Variants in PSME4 observed in about 807,000 individuals in gnomAD.
PSME4 encodes proteasome activator complex subunit 4.
PSME4 carries 89 observed loss-of-function variants against 253.9 expected under a neutral mutation model. The observed-to-expected ratio is 0.35, with a 90% CI of 0.30 to 0.42. PSME4 has a LOEUF of 0.42. Among genes scored for constraint, PSME4 ranks in the 10% least tolerant of loss-of-function variants. The pLI is 1.00. For synonymous variants in PSME4, 851 were observed against 759.2 expected, an observed-to-expected ratio of 1.12 and a Z score of -1.99; for missense variants, 2,014 against 2,195.2, an observed-to-expected ratio of 0.92 and a Z score of 1.65.
At chr2:53,918,932 A>T (rs1287220601) in intron 20 of PSME4, among the ~76,000 whole-genome samples, 1 of 152,210 alleles carries the variant, frequency 6.6e-6, no homozygotes, top group Admixed American at 6.5e-5. Flanking sequence ...TAAAATTAAT[A>T]CCTAAAGTTA....
chr2:53,874,171 G>T (rs1679018397), intron 43 of PSME4, among the ~76,000 whole-genome samples, 168 bp downstream of exon 43: 1 of 152,150 alleles, frequency 6.6e-6, no homozygotes, highest in Non-Finnish European at 1.5e-5. Context: ...CGTTGTCCAG[G>T]CTGGTCTCAA....
At chr2:53,890,265 A>C in intron 36 of PSME4, 57 bp from the exon 37 acceptor site, 1 of 1,195,572 alleles carries the variant, frequency 8.4e-7, no homozygotes, top group East Asian at 2.3e-5. Context: ...ATTTTTCTTC[A>C]AATATCTTTC....
intron 42 of PSME4, 70 bp from the exon 43 acceptor site, chr2:53,874,564 T>A: frequency 7.3e-7 from 1 of 1,371,154 alleles, no homozygotes; most frequent in Non-Finnish European, 1.0e-6. Flanking sequence ...GATAGTGACA[T>A]TACACACAAA....
At chr2:53,909,421 A>G (rs1667722762) in intron 21 of PSME4, among the ~76,000 whole-genome samples, 1 of 152,210 alleles carries the variant, frequency 6.6e-6, no homozygotes, top group African/African-American at 2.4e-5. Flanking sequence ...TAGGGTTACA[A>G]TATTCGTATT....
In PSME4 at chr2:53,970,886, G is replaced by T; in HGVS notation, c.-102C>A. 9.3e-7 allele frequency: 1 copy of T among 1,074,918 alleles called. No homozygotes were observed. The highest frequency in any genetic ancestry group is 1.3e-6 in the Non-Finnish European group (1 of 793,014). The allele number at this position is 1,074,918 out of a possible 1,614,324, so 66.6% of individuals were successfully genotyped here. A position where few individuals can be genotyped will look rare whatever the true frequency, so the allele number is the denominator to read the frequency against. On this transcript the variant is annotated 5_prime_UTR_variant, in exon 1 of 47. Coordinates refer to ENST00000404125, the MANE Select transcript of PSME4 (RefSeq NM_014614.3). Reference sequence around the variant, plus strand: ...TCCGCGTCTTCGTCGCCCTGCGGCCGCTGGCGGCCCGTCGCCCTCGGACCG... The same window carrying T: ...TCCGCGTCTTCGTCGCCCTGCGGCCTCTGGCGGCCCGTCGCCCTCGGACCG...
chr2:53,961,841 A>T (rs1235376378), intron 1 of PSME4, among the ~76,000 whole-genome samples: 1 of 152,206 alleles, frequency 6.6e-6, no homozygotes, highest in East Asian at 1.9e-4. Context: ...CCAACAAAGG[A>T]GACAGGGTCA....
chr2:53,893,295 C>T (rs1282121955), intron 35 of PSME4, among the ~76,000 whole-genome samples: 1 of 152,024 alleles, frequency 6.6e-6, no homozygotes, highest in Non-Finnish European at 1.5e-5. Context: ...ACAGTCATCC[C>T]TAGGTGTATG....
chr2:53,947,604 G>T (rs1215305826), intron 3 of PSME4, among the ~76,000 whole-genome samples: 1 of 152,198 alleles, frequency 6.6e-6, no homozygotes, highest in Non-Finnish European at 1.5e-5. Flanking sequence ...TACTCGGGAG[G>T]CTGAGGCAGG....
intron 39 of PSME4, 116 bp downstream of exon 39, chr2:53,887,742 G>T: frequency 7.9e-7 from 1 of 1,273,148 alleles, no homozygotes; most frequent in Non-Finnish European, 1.1e-6. Context: ...AACAATTTGA[G>T]AAAGACACCA....
At chr2:53,941,603 A>T (rs1669458314) in intron 3 of PSME4, among the ~76,000 whole-genome samples, 1 of 152,136 alleles carries the variant, frequency 6.6e-6, no homozygotes, top group Non-Finnish European at 1.5e-5. Context: ...ATTTTATATC[A>T]GAGTAACAAA....
rs748564865 is a variant in PSME4, at chr2:53,940,015, C to T, written c.501-15G>A. ...TTTCTACAGAACTGGGGGGGGAAAG[C>T]CATTTGATAATTAGATTGGTGTATT... On this transcript the variant is annotated splice_polypyrimidine_tract_variant and intron_variant, in intron 3 of 46. Transcript: ENST00000404125. 2.6e-6 allele frequency: 4 copies of T among 1,547,314 alleles called. No individual in the cohort carries two copies. In the Admixed American group the frequency reaches 7.1e-5, roughly 27 times the overall value.
Position 53,920,362 on chromosome 2 carries a change from C to G in PSME4, c.2263-12G>C. On this transcript the variant is annotated splice_polypyrimidine_tract_variant and intron_variant, in intron 18 of 46. Coordinates refer to ENST00000404125, the MANE Select transcript of PSME4 (RefSeq NM_014614.3). Reference sequence around the variant, plus strand: ...GGTTTGCCCCAGTCCTAGAAGAGAACAGCATCTACTCAGCAAGTTGAGAAA... The same window carrying G: ...GGTTTGCCCCAGTCCTAGAAGAGAAGAGCATCTACTCAGCAAGTTGAGAAA... 1 of 1,590,906 alleles carries G rather than the reference C, an allele frequency of 6.3e-7. No homozygotes were observed. The highest frequency in any genetic ancestry group is 1.2e-5 in the South Asian group (1 of 86,790).
At chr2:53,947,655 G>A (rs1048566595) in intron 3 of PSME4, among the ~76,000 whole-genome samples, 22 of 151,988 alleles carry the variant, frequency 1.4e-4, no homozygotes, top group African/African-American at 5.1e-4. Flanking sequence ...GCAGTGAGCT[G>A]AGATCGCACC....
chr2:53,935,209 G>A (rs1039704209), intron 7 of PSME4, among the ~76,000 whole-genome samples: 9 of 152,068 alleles, frequency 5.9e-5, no homozygotes, highest in African/African-American at 2.2e-4. Context: ...CTAAGAATTT[G>A]TATTTTAGTC....
At chr2:53,943,146 G>A (rs186190938) in intron 3 of PSME4, among the ~76,000 whole-genome samples, 14 of 152,300 alleles carry the variant, frequency 9.2e-5, no homozygotes, top group Admixed American at 5.9e-4. Context: ...CAAGATGAGA[G>A]TAAACTAGGC....
chr2:53,867,019 C>T, intron 44 of PSME4, 139 bp from the exon 45 acceptor site: 1 of 783,868 alleles, frequency 1.3e-6, no homozygotes. Flanking sequence ...CATGTAAACA[C>T]ATCAAATACT....
intron 8 of PSME4, among the ~76,000 whole-genome samples, chr2:53,933,727 G>A (rs1668969959): frequency 6.6e-6 from 1 of 152,192 alleles, no homozygotes; most frequent in Admixed American, 6.5e-5. Flanking sequence ...TGAGAACTGT[G>A]TGAGAAAGCA....
intron 1 of PSME4, among the ~76,000 whole-genome samples, chr2:53,962,272 C>G (rs1670527236): frequency 6.6e-6 from 1 of 151,946 alleles, no homozygotes; most frequent in Non-Finnish European, 1.5e-5. Context: ...GGAACCTCTA[C>G]TTTTTACAGG....
At chr2:53,894,914 A>G (rs984789396) in intron 34 of PSME4, 93 bp downstream of exon 34, 1 of 1,128,064 alleles carries the variant, frequency 8.9e-7, no homozygotes, top group Non-Finnish European at 1.3e-6. Context: ...TTGTATTAAG[A>G]AAAAAAAGAA....
Sources: allele counts gnomAD v4.1 joint callset (sites outside exome capture counted in the v4.1 genomes callset), GRCh38; gene constraint gnomAD v4.1.1; transcripts MANE v1.5; gene names NCBI Gene and HGNC (gene_info 2026-07-23, HGNC 2026-07-21).